The following ANKRD11 variants were observed in gnomAD, a reference collection of about 807,000 sequenced individuals.
ANKRD11 encodes ankyrin repeat domain-containing protein 11.
Under a neutral mutation model 195.7 loss-of-function variants are expected in ANKRD11, and 17 were observed. The ratio of observed to expected loss-of-function variants is 0.09; its 90% CI spans 0.06 to 0.13. The LOEUF (loss-of-function observed/expected upper bound fraction) is 0.13. Ranked by LOEUF, ANKRD11 falls within the 10% of genes least tolerant of loss-of-function variation. The pLI is 1.00. For missense variants in ANKRD11, 3,735 were observed against 3,566.1 expected (o/e 1.05, Z -1.21); for synonymous variants, 1,953 against 1,528.1 (o/e 1.28, Z -6.49).
intron 1 of ANKRD11, among the ~76,000 whole-genome samples, chr16:89,460,628 A>G (rs1376275196): frequency 6.6e-6 from 1 of 152,108 alleles, no homozygotes; most frequent in African/African-American, 2.4e-5. Flanking sequence ...TCTCAGCACT[A>G]TGGAAGGTTG....
intron 2 of ANKRD11, among the ~76,000 whole-genome samples, chr16:89,365,056 A>G (rs2039888939): frequency 6.6e-6 from 1 of 152,214 alleles, no homozygotes; most frequent in Non-Finnish European, 1.5e-5. Flanking sequence ...ACAAGTCTGG[A>G]AGCCAAAATA....
intron 2 of ANKRD11, among the ~76,000 whole-genome samples, chr16:89,371,198 G>A (rs2040177869): frequency 6.6e-6 from 1 of 152,120 alleles, no homozygotes; most frequent in Non-Finnish European, 1.5e-5. Flanking sequence ...AAGATGCAAC[G>A]ACTCTCACTA....
chr16:89,309,822 A>G (rs143009785), intron 3 of ANKRD11, among the ~76,000 whole-genome samples: 10 of 152,282 alleles, frequency 6.6e-5, no homozygotes, highest in South Asian at 2.1e-4. Context: ...ATTAAATCCA[A>G]TCCTTACCAG....
chr16:89,313,080 G>A (rs938701006), intron 3 of ANKRD11, among the ~76,000 whole-genome samples: 1 of 152,146 alleles, frequency 6.6e-6, no homozygotes, highest in African/African-American at 2.4e-5. Flanking sequence ...CACACAGCTC[G>A]CCAGGTCTCA....
intron 4 of ANKRD11, among the ~76,000 whole-genome samples, chr16:89,304,536 G>A (rs2036054009): frequency 6.7e-6 from 1 of 148,696 alleles, no homozygotes; most frequent in South Asian, 2.1e-4. Flanking sequence ...ACACACATGG[G>A]TACACACAAG....
At chr16:89,324,880 G>A in intron 2 of ANKRD11, 1 of 243,082 alleles carries the variant, frequency 4.1e-6, no homozygotes, top group South Asian at 4.6e-5. Context: ...TCATGACTGT[G>A]TGAGTCAATA....
chr16:89,355,038 C>T (rs1158318215), intron 2 of ANKRD11, among the ~76,000 whole-genome samples: 6 of 152,290 alleles, frequency 3.9e-5, no homozygotes, highest in African/African-American at 9.6e-5. Context: ...AGGAAGGAAA[C>T]GCCAGAACAA....
At chr16:89,436,596 C>T (rs971326969) in intron 1 of ANKRD11, among the ~76,000 whole-genome samples, 2 of 152,088 alleles carry the variant, frequency 1.3e-5, no homozygotes, top group African/African-American at 4.8e-5. Context: ...CTGAAGCAGG[C>T]GGAAATGAAG....
chr16:89,416,456 G>A (rs1389442508), intron 2 of ANKRD11, among the ~76,000 whole-genome samples: 1 of 151,998 alleles, frequency 6.6e-6, no homozygotes, highest in Admixed American at 6.5e-5. Context: ...TCGCCACCAC[G>A]TCCGGTTAAT....
chr16:89,308,624 G>A (rs1180534113), intron 3 of ANKRD11, among the ~76,000 whole-genome samples: 1 of 152,226 alleles, frequency 6.6e-6, no homozygotes, highest in Non-Finnish European at 1.5e-5. Context: ...AAACGCCCGG[G>A]AGGCTTTGAG....
rs7191304 is a variant in ANKRD11, at chr16:89,432,944, A to C, written c.-144-14576T>G. 1.0e-2 allele frequency among the ~76,000 whole-genome samples: 1,084 copies of C among 108,624 alleles called. 2 individuals carry two copies. Among genetic ancestry groups the C allele is most frequent in the African/African-American group, 0.017 (444 of 25,904 alleles). The allele number at this position is 108,624 out of a possible 152,430, so 71.3% of individuals were successfully genotyped here. ...TCCAGCCATGGGTGACAGAGACCCT[A>C]TCTCTCTCTCTCTCTCTCTCTCTCT... On this transcript the variant is annotated intron_variant, in intron 1 of 12. Coordinates refer to ENST00000301030, the MANE Select transcript of ANKRD11 (RefSeq NM_013275.6).
intron 2 of ANKRD11, among the ~76,000 whole-genome samples, chr16:89,391,684 A>C (rs551081849): frequency 6.6e-6 from 1 of 152,334 alleles, no homozygotes; most frequent in South Asian, 2.1e-4. Context: ...CCTGTTCTCA[A>C]TCACTGAGAG....
intron 1 of ANKRD11, 118 bp downstream of exon 1, chr16:89,490,127 G>A (rs946914241): frequency 7.3e-6 from 1 of 136,522 alleles, no homozygotes; most frequent in East Asian, 2.5e-4. Flanking sequence ...GACCCCCCAG[G>A]CCCGCCCGGA....
At chr16:89,380,500 G>A (rs1034670798) in intron 2 of ANKRD11, among the ~76,000 whole-genome samples, 3 of 152,180 alleles carry the variant, frequency 2.0e-5, no homozygotes, top group Non-Finnish European at 2.9e-5. Flanking sequence ...TCCAGAGAAC[G>A]ACCAGCAGTC....
intron 2 of ANKRD11, among the ~76,000 whole-genome samples, chr16:89,390,831 C>T (rs1272367206): frequency 1.3e-5 from 2 of 152,186 alleles, no homozygotes; most frequent in African/African-American, 4.8e-5. Context: ...TCCCCACATG[C>T]CCTGCCCTCC....
At chr16:89,475,034 G>C (rs1023473967) in intron 1 of ANKRD11, among the ~76,000 whole-genome samples, 7 of 152,222 alleles carry the variant, frequency 4.6e-5, no homozygotes, top group Admixed American at 1.3e-4. Flanking sequence ...AGGACCTCAA[G>C]TAAGGGGGTG....
chr16:89,463,012 C>A (rs1174552140), intron 1 of ANKRD11, among the ~76,000 whole-genome samples: 3 of 150,538 alleles, frequency 2.0e-5, no homozygotes, highest in Admixed American at 1.3e-4. Context: ...GGGGGTCAGC[C>A]CCCCGCCAGG....
intron 1 of ANKRD11, among the ~76,000 whole-genome samples, chr16:89,449,298 G>A (rs1210420292): frequency 7.9e-5 from 12 of 151,954 alleles, no homozygotes; most frequent in African/African-American, 2.4e-4. Context: ...TGGGGTGGTC[G>A]AGGCTACAGT....
chr16:89,322,813 C>T (rs2037413206), intron 2 of ANKRD11, among the ~76,000 whole-genome samples: 1 of 152,250 alleles, frequency 6.6e-6, no homozygotes, highest in Non-Finnish European at 1.5e-5. Context: ...CACGGCCATG[C>T]TCCAGATACC....
Sources: allele counts gnomAD v4.1 joint callset (sites outside exome capture counted in the v4.1 genomes callset), GRCh38; gene constraint gnomAD v4.1.1; transcripts MANE v1.5; gene names NCBI Gene and HGNC (gene_info 2026-07-23, HGNC 2026-07-21).